THEMIS: variants seen among roughly 807,000 people sequenced by gnomAD.
THEMIS encodes protein THEMIS.
THEMIS carries 37 observed loss-of-function variants against 52.6 expected under a neutral mutation model. The observed-to-expected ratio is 0.70, with a 90% CI of 0.54 to 0.93. The LOEUF is 0.93. THEMIS is among the 40% of genes least tolerant of loss of function. THEMIS has a pLI of 0.00. For missense variants in THEMIS, 808 were observed against 763.1 expected, an observed-to-expected ratio of 1.06 and a Z score of -0.69; for synonymous variants, 292 against 272.7, an observed-to-expected ratio of 1.07 and a Z score of -0.70.
chr6:127,842,540 C>T (rs780838078), intron 2 of THEMIS, among the ~76,000 whole-genome samples: 2 of 151,894 alleles, frequency 1.3e-5, no homozygotes, highest in Admixed American at 6.6e-5. Flanking sequence ...TTAAGTCTTA[C>T]GGCTTAAGGG....
At chr6:127,753,214 AG>A (rs1294644937) in intron 4 of THEMIS, among the ~76,000 whole-genome samples, 1 of 152,070 alleles carries the variant, frequency 6.6e-6, no homozygotes, top group African/African-American at 2.4e-5. Flanking sequence ...ATCATACTCA[AG>A]AGTAAAAAGC....
intron 1 of THEMIS, among the ~76,000 whole-genome samples, chr6:127,899,136 T>C (rs868117688): frequency 1.3e-5 from 2 of 151,948 alleles, no homozygotes; most frequent in South Asian, 2.1e-4. Flanking sequence ...GTTCCTAACA[T>C]GAAGAAATGG....
At chr6:127,861,740 C>T (rs1447814234) in intron 1 of THEMIS, among the ~76,000 whole-genome samples, 7 of 136,666 alleles carry the variant, frequency 5.1e-5, no homozygotes, top group Admixed American at 7.8e-5. Context: ...GCTGAGATTG[C>T]ACCACTGCAC....
chr6:127,871,461 T>A (rs930788743), intron 1 of THEMIS, among the ~76,000 whole-genome samples: 10 of 151,670 alleles, frequency 6.6e-5, no homozygotes, highest in Admixed American at 4.6e-4. Flanking sequence ...TAATCTAAGC[T>A]CATAATTCAA....
Position 127,757,010 on chromosome 6 carries a change from T to A in THEMIS, c.1759-37187A>T, listed in dbSNP as rs1562238024. On this transcript the variant is annotated intron_variant, in intron 4 of 5. Coordinates refer to ENST00000368248, the MANE Select transcript of THEMIS (RefSeq NM_001010923.3). Reference sequence around the variant, plus strand: ...TCTGTACTTCAAGTAAAAAAACAATTCTTTTATTCCATAATAAAGTTTTTC... The same window carrying A: ...TCTGTACTTCAAGTAAAAAAACAATACTTTTATTCCATAATAAAGTTTTTC... 3.3e-5 allele frequency among the ~76,000 whole-genome samples: 5 copies of A among 152,212 alleles called. No homozygotes were observed. The South Asian group carries it at 1.0e-3, about 31-fold the overall frequency.
chr6:127,860,648 T>C (rs1328075250), intron 1 of THEMIS, among the ~76,000 whole-genome samples: 3 of 152,008 alleles, frequency 2.0e-5, no homozygotes, highest in Non-Finnish European at 4.4e-5. Context: ...TTCCTACAGA[T>C]TGGAAATGCT....
intron 4 of THEMIS, among the ~76,000 whole-genome samples, chr6:127,783,800 A>G (rs1437824926): frequency 6.6e-6 from 1 of 152,254 alleles, no homozygotes; most frequent in Non-Finnish European, 1.5e-5. Context: ...AATGTAAATT[A>G]GTTCAACCAT....
At chr6:127,795,619 C>T (rs561320741) in intron 4 of THEMIS, among the ~76,000 whole-genome samples, 28 of 152,270 alleles carry the variant, frequency 1.8e-4, no homozygotes, top group East Asian at 1.9e-4. Flanking sequence ...TGAGCCACCG[C>T]GCCCGGCCAC....
Position 127,911,769 on chromosome 6 carries a change from G to A in THEMIS, c.-150+6659C>T, listed in dbSNP as rs539676781. On this transcript the variant is annotated intron_variant, in intron 1 of 6. Coordinates refer to the THEMIS transcript ENST00000368250. ...CAGGATGTCCAGGCAGAAGTTTACC[G>A]TGGAGGCAGAAGCCTTATGGAGAAC... 3.0e-4 allele frequency among the ~76,000 whole-genome samples: 46 copies of A among 151,570 alleles called. 4 individuals are homozygous for A. The South Asian group carries it at 5.4e-3, about 18-fold the overall frequency.
Position 127,749,902 on chromosome 6 carries a change from C to T in THEMIS, c.1759-30079G>A, listed in dbSNP as rs77965089. Among the ~76,000 whole-genome samples, 269 of 150,588 alleles carry T rather than the reference C, an allele frequency of 1.8e-3. 1 individual carries two copies. The Middle Eastern group carries it at 0.02, about 11-fold the overall frequency. ...GAATATAGGAGTAGATTAGGATTTT[C>T]GAGTAGAACAAGGTATTAATAGACA... On this transcript the variant is annotated intron_variant, in intron 4 of 5. Coordinates refer to ENST00000368248, the MANE Select transcript of THEMIS (RefSeq NM_001010923.3).
intron 1 of THEMIS, among the ~76,000 whole-genome samples, chr6:127,873,960 T>G (rs1352113796): frequency 6.6e-6 from 1 of 152,232 alleles, no homozygotes; most frequent in Non-Finnish European, 1.5e-5. Flanking sequence ...GACCTCAATC[T>G]ATGGTACATA....
chr6:127,722,311 G>T (rs564301845), intron 4 of THEMIS, among the ~76,000 whole-genome samples: 1 of 151,858 alleles, frequency 6.6e-6, no homozygotes, highest in African/African-American at 2.4e-5. Context: ...TGCCACACTC[G>T]CTCTTCCTTG....
At chr6:127,798,365 T>C (rs543816405) in intron 4 of THEMIS, among the ~76,000 whole-genome samples, 2 of 152,274 alleles carry the variant, frequency 1.3e-5, no homozygotes, top group East Asian at 3.9e-4. Context: ...TTTTCTTTTA[T>C]TATTATACTT....
intron 4 of THEMIS, among the ~76,000 whole-genome samples, chr6:127,770,768 C>T (rs1223390207): frequency 6.6e-6 from 1 of 152,118 alleles, no homozygotes; most frequent in Non-Finnish European, 1.5e-5. Flanking sequence ...ACATTTAAGT[C>T]TTTAATCCAT....
chr6:127,721,240 T>G (rs1774353319), intron 4 of THEMIS, among the ~76,000 whole-genome samples: 1 of 151,982 alleles, frequency 6.6e-6, no homozygotes, highest in Non-Finnish European at 1.5e-5. Flanking sequence ...TGAGACCAGC[T>G]CAAGTCAGAT....
chr6:127,909,840 G>C (rs1356450412), intron 1 of THEMIS: 1 of 152,098 alleles, frequency 6.6e-6, no homozygotes, highest in East Asian at 1.9e-4. Flanking sequence ...AACCTACTTT[G>C]TTCACTTGAT....
chr6:127,749,930 C>G (rs980583319), intron 4 of THEMIS, among the ~76,000 whole-genome samples: 2 of 149,938 alleles, frequency 1.3e-5, no homozygotes, highest in African/African-American at 2.5e-5. Flanking sequence ...AATAGACAGG[C>G]ACTTTGCTTG....
intron 1 of THEMIS, among the ~76,000 whole-genome samples, chr6:127,859,451 T>C (rs1394507998): frequency 6.6e-6 from 1 of 152,074 alleles, no homozygotes; most frequent in Non-Finnish European, 1.5e-5. Flanking sequence ...AGACATTATC[T>C]TAACTATATG....
chr6:127,706,890 T>C (rs563457410), downstream of THEMIS, among the ~76,000 whole-genome samples: 1 of 152,170 alleles, frequency 6.6e-6, no homozygotes, highest in East Asian at 1.9e-4. Context: ...GGTTGATGAA[T>C]AATGGTGTAT....
Sources: allele counts gnomAD v4.1 joint callset (sites outside exome capture counted in the v4.1 genomes callset), GRCh38; gene constraint gnomAD v4.1.1; transcripts MANE v1.5; gene names NCBI Gene and HGNC (gene_info 2026-07-23, HGNC 2026-07-21).